The following DNAH17 variants were observed in gnomAD, a reference collection of about 807,000 sequenced individuals.
DNAH17 encodes dynein axonemal heavy chain 17.
DNAH17 carries 376 observed loss-of-function variants against 485.6 expected under a neutral mutation model. The ratio of observed to expected loss-of-function variants is 0.77; its 90% CI spans 0.71 to 0.84. The LOEUF is 0.84. Among genes scored for constraint, DNAH17 ranks in the 40% least tolerant of loss-of-function variants. The pLI, the probability that DNAH17 is intolerant of heterozygous loss-of-function variation, is 0.00. For missense variants in DNAH17, 6,370 were observed against 5,839.3 expected, an observed-to-expected ratio of 1.09 and a Z score of -2.96; for synonymous variants, 3,031 against 2,405.9, an observed-to-expected ratio of 1.26 and a Z score of -7.60.
At chr17:78,571,815 T>G (rs1447976443) in intron 3 of DNAH17, 33 bp from the exon 4 acceptor site, 2 of 1,541,604 alleles carry the variant, frequency 1.3e-6, no homozygotes, top group African/African-American at 2.7e-5. Flanking sequence ...ATTGCTCTCA[T>G]GGCGACACAC....
chr17:78,478,762 C>T (rs1284674319), intron 51 of DNAH17: 1 of 442,818 alleles, frequency 2.3e-6, no homozygotes, highest in Non-Finnish European at 4.0e-6. Flanking sequence ...CCATCACTAT[C>T]ATCATCACAT....
rs747937978 is a variant in DNAH17 at position 78,574,886 on chromosome 17, C to T, written c.172G>A (p.Ala58Thr). 6.2e-7 allele frequency: 1 copy of T among 1,614,032 alleles called. No individual in the cohort carries two copies. The highest frequency in any genetic ancestry group is 8.5e-7 in the Non-Finnish European group (1 of 1,179,898). The change falls in exon 2 of 81, where the codon GCA (alanine) becomes ACA (threonine). Residue 58 changes from alanine (A) to threonine (T), a missense_variant. Coordinates refer to ENST00000389840, the MANE Select transcript of DNAH17 (RefSeq NM_173628.4). ...DVQVLVLTLN[A>T]AGMIIPCLGF... ...AGGCAGGGTATGATCATGCCGGCTG[C>T]ATTGAGCGTCAGCACCAGCACCTGG...
At chr17:78,442,861 C>T (rs575259293) in intron 71 of DNAH17, among the ~76,000 whole-genome samples, 4 of 152,338 alleles carry the variant, frequency 2.6e-5, no homozygotes, top group African/African-American at 7.2e-5. Flanking sequence ...GAAGTGCTCC[C>T]GCGGCTGTCA....
chr17:78,568,070 G>C (rs1169854756), intron 9 of DNAH17, among the ~76,000 whole-genome samples: 1 of 152,158 alleles, frequency 6.6e-6, no homozygotes, highest in Non-Finnish European at 1.5e-5. Flanking sequence ...AGGAGCTCTT[G>C]GCTCTTCCAC....
At chr17:78,549,349 C>T (rs1372504706) in intron 16 of DNAH17, among the ~76,000 whole-genome samples, 1 of 152,128 alleles carries the variant, frequency 6.6e-6, no homozygotes, top group African/African-American at 2.4e-5. Flanking sequence ...GGGCCCTCAC[C>T]AGGAACTCAG....
chr17:78,465,540 G>A (rs2088388844), intron 56 of DNAH17, among the ~76,000 whole-genome samples: 5 of 110,192 alleles, frequency 4.5e-5, no homozygotes, highest in African/African-American at 1.2e-4. Flanking sequence ...TCTCTGCCCG[G>A]CCGCCCATCG....
At chr17:78,513,638 G>C (rs879643603) in intron 26 of DNAH17, among the ~76,000 whole-genome samples, 2 of 152,164 alleles carry the variant, frequency 1.3e-5, no homozygotes, top group African/African-American at 2.4e-5. Flanking sequence ...GTTTCACCAT[G>C]TTGGCCAGGC....
intron 38 of DNAH17, 34 bp downstream of exon 38, chr17:78,495,841 A>G: frequency 6.3e-7 from 1 of 1,597,510 alleles, no homozygotes; most frequent in Non-Finnish European, 8.6e-7. Flanking sequence ...GGCCTGGCTC[A>G]CTGCAGCCAC....
At chr17:78,522,702 G>A in intron 25 of DNAH17, 2 of 200,200 alleles carry the variant, frequency 1.0e-5, no homozygotes, top group South Asian at 8.3e-5. Context: ...TTCAGAGAAT[G>A]CAAAAAAGAC....
intron 37 of DNAH17, among the ~76,000 whole-genome samples, chr17:78,498,473 A>G (rs896876025): frequency 1.3e-5 from 2 of 152,228 alleles, no homozygotes; most frequent in Admixed American, 1.3e-4. Flanking sequence ...AGTGGGGCCC[A>G]CGCTGGAGAT....
intron 80 of DNAH17, chr17:78,424,582 A>G (rs577086086): frequency 1.8e-3 from 283 of 159,232 alleles, no homozygotes; most frequent in African/African-American, 4.2e-3. Flanking sequence ...CCAGACTGCT[A>G]TTATTTCTAC....
chr17:78,492,438 C>T (rs2089902169), intron 42 of DNAH17, among the ~76,000 whole-genome samples, 195 bp downstream of exon 42: 1 of 152,176 alleles, frequency 6.6e-6, no homozygotes, highest in Middle Eastern at 3.2e-3. Flanking sequence ...CATTCCTTAT[C>T]CCCCAGCCCG....
chr17:78,433,955 G>C, intron 75 of DNAH17, 74 bp downstream of exon 75: 2 of 1,289,702 alleles, frequency 1.6e-6, no homozygotes, highest in Non-Finnish European at 2.1e-6. Flanking sequence ...GAGGGAAGGA[G>C]GGAGGGAAGG....
chr17:78,526,936 C>T lies in DNAH17; in HGVS notation c.3568G>A (p.Ala1190Thr). 2 of 1,588,058 alleles carry T rather than the reference C, an allele frequency of 1.3e-6. No homozygotes were observed. The highest frequency in any genetic ancestry group is 2.3e-5 in the East Asian group (1 of 43,768). Residue 1190 changes from alanine to threonine, a missense_variant, in exon 23 of 81, where the codon GCA (alanine) becomes ACA (threonine). Physicochemically the swap from Ala to Thr is moderately conservative, Grantham distance 58 (BLOSUM62 0). Transcript: ENST00000389840. ...KLAIQVKLTV[A>T]PLQANEVSIL... is the part of the protein sequence containing the mutation. ...CTGACCTCGTTGGCCTGGAGTGGTGCCACGGTCAGCTTCACCTGAATGGCC... is the reference window on the plus strand; with the variant it reads ...CTGACCTCGTTGGCCTGGAGTGGTGTCACGGTCAGCTTCACCTGAATGGCC...
intron 58 of DNAH17, 81 bp from the exon 59 acceptor site, chr17:78,460,338 G>GTGTGTGCATGTGTGTGCA (rs1555659322): frequency 9.9e-6 from 9 of 910,818 alleles, no homozygotes; most frequent in Admixed American, 6.8e-5. Context: ...GTGTGTGCAT[G>GTGTGTGCATGTGTGTGCA]TGTGTGCATG....
At chr17:78,543,359 T>C (rs1971166) in intron 17 of DNAH17, among the ~76,000 whole-genome samples, 127,928 of 150,314 alleles carry the variant, frequency 0.85, 54,845 homozygotes, top group African/African-American at 0.96. Context: ...GGCGCAATCT[T>C]GGCTCACTGC....
At chr17:78,429,942 T>C (rs762152306) in intron 75 of DNAH17, among the ~76,000 whole-genome samples, 4 of 152,212 alleles carry the variant, frequency 2.6e-5, no homozygotes, top group Admixed American at 6.5e-5. Flanking sequence ...AAGTGACTTA[T>C]CTGACCTAGG....
intron 25 of DNAH17, among the ~76,000 whole-genome samples, chr17:78,523,623 G>A (rs1432684953): frequency 6.6e-6 from 1 of 152,362 alleles, no homozygotes; most frequent in African/African-American, 2.4e-5. Context: ...ATAAGCCCAT[G>A]AGAAGATACT....
intron 75 of DNAH17, among the ~76,000 whole-genome samples, chr17:78,430,915 C>T (rs1368517582): frequency 6.6e-6 from 1 of 151,948 alleles, no homozygotes; most frequent in Non-Finnish European, 1.5e-5. Context: ...GGATCTTGTT[C>T]CATGTCCCAG....
Sources: gnomAD v4.1 joint callset for allele counts (sites outside exome capture counted in the v4.1 genomes callset) on GRCh38, gnomAD v4.1.1 for gene constraint, MANE v1.5 for transcripts, NCBI Gene and HGNC (gene_info 2026-07-23, HGNC 2026-07-21) for gene names.